TMEM53: variants seen among roughly 807,000 people sequenced by gnomAD.
TMEM53 encodes novel DUF829 domain-containing protein.
Under a neutral mutation model 21.4 loss-of-function variants are expected in TMEM53, and 14 were observed. The ratio of observed to expected loss-of-function variants is 0.65; its 90% CI spans 0.43 to 1.02. The LOEUF (loss-of-function observed/expected upper bound fraction) is 1.02, where lower values mean the gene tolerates loss of function less well. Among genes scored for constraint, TMEM53 ranks in the 50% least tolerant of loss-of-function variants. The pLI, the probability that TMEM53 is intolerant of heterozygous loss-of-function variation, is 0.00. For missense variants in TMEM53, 323 were observed against 383.6 expected (o/e 0.84, Z 1.32); for synonymous variants, 148 against 157.4 (o/e 0.94, Z 0.45).
intron 2 of TMEM53, among the ~76,000 whole-genome samples, chr1:44,656,163 T>C (rs997749787): frequency 1.1e-4 from 16 of 152,124 alleles, no homozygotes; most frequent in African/African-American, 3.9e-4. Flanking sequence ...GGCACCACTA[T>C]GTATCAATAG....
chr1:44,672,001 C>T (rs1323318444), intron 1 of TMEM53, among the ~76,000 whole-genome samples: 2 of 152,186 alleles, frequency 1.3e-5, no homozygotes, highest in Non-Finnish European at 2.9e-5. Flanking sequence ...CACCATTAAA[C>T]AGTAATTGCA....
At chr1:44,662,676 C>G (rs1302299839) in intron 1 of TMEM53, among the ~76,000 whole-genome samples, 2 of 152,138 alleles carry the variant, frequency 1.3e-5, no homozygotes, top group Non-Finnish European at 1.5e-5. Context: ...CAGGCTCCCC[C>G]TCCCCTGCCT....
Position 44,654,592 on chromosome 1 carries a change from A to C in TMEM53, c.801T>G (p.Cys267Trp), listed in dbSNP as rs141465276. 1 of 1,610,352 alleles carries C rather than the reference A, an allele frequency of 6.2e-7. No homozygotes were observed. Among genetic ancestry groups the C allele is most frequent in the Non-Finnish European group, 8.5e-7 (1 of 1,177,050 alleles). ...GGACGCAGTTGCGCATGAAGTCGAC[A>C]CAGAGGCTTGTGTAGTAAGTAGGGT... Reference protein sequence around the residue: ...RDYPTYYTSLCVDFMRNCVRC With the variant: ...RDYPTYYTSLWVDFMRNCVRC Residue 267 changes from cysteine (C) to tryptophan (W), a missense_variant, in exon 3 of 3, where the codon TGT becomes TGG. Transcript: ENST00000372237. This position sits in a 1 kb window ranked among gnomAD's most constrained non-coding sequence, Gnocchi z 7.0.
In TMEM53 at chr1:44,674,392, G is replaced by C; in HGVS notation, c.-1C>G. The C allele has an allele frequency of 3.1e-6, 5 of 1,611,076 alleles. No individual in the cohort carries two copies. The highest frequency in any genetic ancestry group is 4.2e-6 in the Non-Finnish European group (5 of 1,178,438). On this transcript the variant is annotated 5_prime_UTR_variant, in exon 1 of 3. Coordinates refer to ENST00000372237, the MANE Select transcript of TMEM53 (RefSeq NM_024587.4). ...TGTAGTCCAGCTCTGCCGAGGCCAT[G>C]GTGAAGGCGCCGGCCCAGAGCACGG...
At position 44,674,436 on chromosome 1, in the gene TMEM53, C is replaced by A. The variant is rs748978332; in HGVS notation, c.-45G>T. The stretch of plus-strand genomic sequence containing the variant: ...AGCACGGGTCTCCAGCCGGAACTCC[C>A]GCTTGCGCACCCGTGCCTCACCCGG... On this transcript the variant is annotated 5_prime_UTR_variant, in exon 1 of 3. Coordinates refer to ENST00000372237, the MANE Select transcript of TMEM53 (RefSeq NM_024587.4). 15 of 1,582,808 alleles carry A rather than the reference C, an allele frequency of 9.5e-6. No individual in the cohort carries two copies. The highest frequency in any genetic ancestry group is 1.3e-5 in the Non-Finnish European group (15 of 1,164,270).
intron 2 of TMEM53, among the ~76,000 whole-genome samples, chr1:44,656,202 T>A (rs1160935523): frequency 2.0e-5 from 3 of 152,170 alleles, no homozygotes; most frequent in Admixed American, 2.0e-4. Flanking sequence ...TACTACTTTC[T>A]GAGTCTGGGT....
chr1:44,661,323 C>T (rs571569121), intron 1 of TMEM53, among the ~76,000 whole-genome samples: 12 of 152,098 alleles, frequency 7.9e-5, no homozygotes, highest in African/African-American at 1.9e-4. Context: ...CTCCATCTCC[C>T]GGGTTCAAGC....
At chr1:44,674,307 C>G in intron 1 of TMEM53, 24 bp downstream of exon 1, 1 of 1,603,408 alleles carries the variant, frequency 6.2e-7, no homozygotes, top group Non-Finnish European at 8.5e-7. Flanking sequence ...CTCCCCGCGC[C>G]TGGACCCAAC....
At chr1:44,658,858 G>A (rs28535461) in intron 2 of TMEM53, among the ~76,000 whole-genome samples, 2,047 of 152,176 alleles carry the variant, frequency 0.013, 46 homozygotes, top group African/African-American at 0.047. Flanking sequence ...GGCCAAAAGG[G>A]ACTTTCTGAT....
At position 44,661,988 on chromosome 1, in the gene TMEM53, C is replaced by T. The variant is rs531899898; in HGVS notation, c.62-1693G>A. ...CTGCCCTCCCAAAAGGGCCGGCATG[C>T]ACCCTTCCAAGGACCAAGCCACTTG... is the stretch of plus-strand genomic sequence containing the variant. On this transcript the variant is annotated intron_variant, in intron 1 of 2. Transcript: ENST00000372237. 2.0e-5 allele frequency among the ~76,000 whole-genome samples: 3 copies of T among 152,354 alleles called. No individual in the cohort carries two copies. The East Asian group carries it at 5.8e-4, about 29-fold the overall frequency.
chr1:44,655,181 G>T lies in TMEM53; in HGVS notation c.212C>A (p.Pro71Gln), dbSNP rs1406066288. The change falls in exon 3 of 3, where the codon CCG (proline) becomes CAG (glutamine). Residue 71 changes from proline (P) to glutamine (Q), a missense_variant. Transcript: ENST00000372237. The surrounding 1 kb of genome is among the most constrained non-coding windows in gnomAD (Gnocchi z 4.4). Reference protein sequence around the residue: ...RGCIVIRYTAPWHMVFFSESL... With the variant: ...RGCIVIRYTAQWHMVFFSESL... ...CTCGGAGAAGAAGACCATGTGCCAC[G>T]GGGCTGTGTATCGGATTACGATGCA... The T allele has an allele frequency of 1.2e-6, 2 of 1,611,660 alleles. No homozygotes were observed. The highest frequency in any genetic ancestry group is 1.7e-6 in the Non-Finnish European group (2 of 1,178,860).
At chr1:44,660,348 G>A (rs1644889690) in intron 1 of TMEM53, 53 bp from the exon 2 acceptor site, 1 of 1,565,592 alleles carries the variant, frequency 6.4e-7, no homozygotes, top group Non-Finnish European at 8.6e-7. Flanking sequence ...GGGCGGGGGT[G>A]ACTGCCCAAT....
rs114824311 is a variant in TMEM53, at chr1:44,664,901, G to A, written c.62-4606C>T. ...ACAGCCAGGAAGCAGCAGAGCCAGC[G>A]CCCACTATCCGGACCAGCGTGCTCT... On this transcript the variant is annotated intron_variant, in intron 1 of 2. Transcript: ENST00000372237. 6.0e-3 allele frequency among the ~76,000 whole-genome samples: 911 copies of A among 152,018 alleles called. 6 individuals are homozygous for A. The highest frequency in any genetic ancestry group is 0.014 in the Middle Eastern group (4 of 294).
intron 1 of TMEM53, among the ~76,000 whole-genome samples, chr1:44,665,692 A>G (rs1644943254): frequency 6.6e-6 from 1 of 152,198 alleles, no homozygotes. Flanking sequence ...ATAAGAAAGA[A>G]AAACGTTAAA....
intron 1 of TMEM53, among the ~76,000 whole-genome samples, chr1:44,667,705 C>T (rs959320941): frequency 1.3e-5 from 2 of 151,896 alleles, no homozygotes; most frequent in African/African-American, 4.8e-5. Context: ...TTTTTTCCCA[C>T]TTTCTAAAAT....
At chr1:44,674,234 G>A (rs1329489630) in intron 1 of TMEM53, 97 bp downstream of exon 1, 3 of 1,493,650 alleles carry the variant, frequency 2.0e-6, no homozygotes, top group Admixed American at 4.6e-5. Flanking sequence ...CCCGAGGGAG[G>A]GCGGGGCCGC....
rs1377337795 is a variant in TMEM53, at chr1:44,653,560, CA to C, written c.*998del. The C allele has an allele frequency of 6.6e-6, 1 of 152,264 alleles. No homozygotes were observed. Among genetic ancestry groups the C allele is most frequent in the Non-Finnish European group, 1.5e-5 (1 of 68,054 alleles). 9.4% of individuals were successfully genotyped at this position (152,264 alleles called of 1,614,324 possible). On this transcript the variant is annotated 3_prime_UTR_variant, in exon 3 of 3. Transcript: ENST00000372237. ...TTTCCCAGACCCAGCGGCTTCCTAG[CA>C]AAGTGTGGTAGAGCCAGGCAGGCCC...
intron 1 of TMEM53, among the ~76,000 whole-genome samples, chr1:44,669,797 ATTTT>A (rs35923018): frequency 1.5e-5 from 2 of 135,162 alleles, no homozygotes; most frequent in Non-Finnish European, 1.6e-5. Flanking sequence ...AAAGCATCCT[ATTTT>A]TTTTTTTTTT....
Position 44,658,653 on chromosome 1 carries a change from C to T in TMEM53, c.183+1521G>A, listed in dbSNP as rs572600355. On this transcript the variant is annotated intron_variant, in intron 2 of 2. Transcript: ENST00000372237. ...GCAACCTCCACCTCCCAGGTTCAAG[C>T]GATCCCTACCACCTCAGCCTCCCTG... 4.6e-5 allele frequency among the ~76,000 whole-genome samples: 7 copies of T among 152,248 alleles called. 1 individual carries two copies. The South Asian group carries it at 1.2e-3, about 27-fold the overall frequency.
Sources: gnomAD v4.1 joint callset for allele counts (sites outside exome capture counted in the v4.1 genomes callset) on GRCh38, gnomAD v4.1.1 for gene constraint, Gnocchi (gnomAD v3.1) non-coding constraint, MANE v1.5 for transcripts, NCBI Gene and HGNC (gene_info 2026-07-23, HGNC 2026-07-21) for gene names.